The following FYCO1 variants were observed in gnomAD, a reference collection of about 807,000 sequenced individuals.
The protein encoded by FYCO1 is FYVE and coiled-coil domain-containing protein 1.
Under a neutral mutation model 165.1 loss-of-function variants are expected in FYCO1, and 122 were observed. The ratio of observed to expected loss-of-function variants is 0.74; its 90% CI spans 0.64 to 0.86. The LOEUF is 0.86. FYCO1 is among the 40% of genes least tolerant of loss of function. FYCO1 has a pLI of 0.00. For missense variants in FYCO1, 1,702 were observed against 1,810.3 expected (o/e 0.94, Z 1.09); for synonymous variants, 648 against 742.5 (o/e 0.87, Z 2.07).
chr3:45,930,569 A>G (rs1703541184), intron 16 of FYCO1, among the ~76,000 whole-genome samples: 1 of 152,174 alleles, frequency 6.6e-6, no homozygotes, highest in South Asian at 2.1e-4. Flanking sequence ...CCATGCCTAG[A>G]ATGTCTTAGG....
intron 14 of FYCO1, among the ~76,000 whole-genome samples, chr3:45,950,988 T>G (rs2125828902): frequency 6.6e-6 from 1 of 152,330 alleles, no homozygotes. Flanking sequence ...CTAAACACTC[T>G]GACCATGAAG....
intron 14 of FYCO1, chr3:45,947,219 C>T: frequency 6.2e-7 from 1 of 1,614,188 alleles, no homozygotes; most frequent in Non-Finnish European, 8.5e-7. Context: ...CCCAGATGCC[C>T]TTCAACCTCA....
At position 45,967,793 on chromosome 3, in the gene FYCO1, T is replaced by C; in HGVS notation, c.1541A>G (p.Gln514Arg). Residue 514 changes from glutamine to arginine, a missense_variant, in exon 8 of 18, where the codon CAG becomes CGG. Physicochemically the swap from Gln to Arg is conservative, Grantham distance 43. Transcript: ENST00000296137. ...LEQEVRSLTR[Q>R]LQFLETQLAQ... ...CAGCTGGGTCTCCAGGAACTGCAGC[T>C]GCCGGGTCAGAGACCTGACCTCCTG... The C allele has an allele frequency of 6.2e-7, 1 of 1,613,994 alleles. No homozygotes were observed.
chr3:45,986,823 G>A (rs1707340238), intron 1 of FYCO1, among the ~76,000 whole-genome samples: 1 of 152,202 alleles, frequency 6.6e-6, no homozygotes, highest in African/African-American at 2.4e-5. Context: ...GGGCCCTAGA[G>A]AGAGCCAGAG....
At chr3:45,922,097 C>T (rs1703115984) in intron 17 of FYCO1, among the ~76,000 whole-genome samples, 1 of 152,228 alleles carries the variant, frequency 6.6e-6, no homozygotes. Context: ...AATATCACCT[C>T]CCTCACCTGG....
chr3:45,979,832 T>C lies in FYCO1; in HGVS notation c.163-2A>G, dbSNP rs1423665444. On this transcript the variant is annotated splice_acceptor_variant, in intron 3 of 17. Transcript: ENST00000296137. LOFTEE classifies it high-confidence loss of function. ...GGTGGCCTTCTCTTTCTGATCAAAC[T>C]GGGTAGGGAAAGGGAAAGGGAGAGG... is the stretch of plus-strand genomic sequence containing the variant. The C allele has an allele frequency of 6.2e-7, 1 of 1,613,612 alleles. No individual in the cohort carries two copies. The highest frequency in any genetic ancestry group is 1.3e-5 in the African/African-American group (1 of 74,858).
chr3:45,964,320 G>C lies in FYCO1; in HGVS notation c.3269+16C>G, dbSNP rs367876364. On this transcript the variant is annotated intron_variant, in intron 10 of 17. Transcript: ENST00000296137. This position sits in a 1 kb window ranked among gnomAD's most constrained non-coding sequence, Gnocchi z 4.1. ...CTGAAGACTACCGACAGCTACGTAG[G>C]TGGACTGTGACTAACCTTTCTAGGT... 1 of 1,580,846 alleles carries C rather than the reference G, an allele frequency of 6.3e-7. No homozygotes were observed. The highest frequency in any genetic ancestry group is 1.7e-5 in the Admixed American group (1 of 59,978).
Position 45,962,179 on chromosome 3 carries a change from C to G in FYCO1, c.3437+46G>C, listed in dbSNP as rs767804004. ...CAGCTGCATTTCTTTAGAGAAAAACCCCAGTGTGGGGAAAACCCCAGCTGC... is the reference window on the plus strand; with the variant it reads ...CAGCTGCATTTCTTTAGAGAAAAACGCCAGTGTGGGGAAAACCCCAGCTGC... On this transcript the variant is annotated intron_variant, in intron 11 of 17. Transcript: ENST00000296137. This position sits in a 1 kb window ranked among gnomAD's most constrained non-coding sequence, Gnocchi z 4.4. 6.2e-7 allele frequency: 1 copy of G among 1,602,480 alleles called. No individual in the cohort carries two copies. Among genetic ancestry groups the G allele is most frequent in the Admixed American group, 1.7e-5 (1 of 59,992 alleles).
intron 11 of FYCO1, among the ~76,000 whole-genome samples, chr3:45,959,806 A>C (rs980926590): frequency 6.6e-6 from 1 of 152,202 alleles, no homozygotes; most frequent in Non-Finnish European, 1.5e-5. Context: ...AGCTGCCAGC[A>C]CCAAAGAGAG....
chr3:45,983,711 T>C (rs1400627281), intron 2 of FYCO1, among the ~76,000 whole-genome samples: 2 of 152,208 alleles, frequency 1.3e-5, no homozygotes, highest in East Asian at 3.8e-4. Flanking sequence ...GAGACTGGCA[T>C]TTCACTTTCT....
In FYCO1 at chr3:45,994,192, A is replaced by G. The variant is rs370826920; in HGVS notation, c.-113+1530T>C. On this transcript the variant is annotated intron_variant, in intron 1 of 17. Transcript: ENST00000296137. ...AACAGCTAAAGGATCACTGCCTGAGACTGTTACCAATCTCTAAAGTAACTG... is the reference window on the plus strand; with the variant it reads ...AACAGCTAAAGGATCACTGCCTGAGGCTGTTACCAATCTCTAAAGTAACTG... 4.6e-5 allele frequency among the ~76,000 whole-genome samples: 7 copies of G among 151,106 alleles called. No homozygotes were observed. The East Asian group carries it at 9.9e-4, about 21-fold the overall frequency.
At chr3:45,975,930 G>T (rs12629722) in intron 4 of FYCO1, among the ~76,000 whole-genome samples, 2 of 152,228 alleles carry the variant, frequency 1.3e-5, no homozygotes, top group Non-Finnish European at 2.9e-5. Flanking sequence ...GAGTGCGGCC[G>T]TGTAACTGCC....
chr3:45,927,269 T>A (rs1351321273), intron 16 of FYCO1, among the ~76,000 whole-genome samples: 1 of 152,224 alleles, frequency 6.6e-6, no homozygotes, highest in African/African-American at 2.4e-5. Flanking sequence ...GACACCCTTG[T>A]TCTAGGCCAT....
rs1283043435 is a variant in FYCO1, at chr3:45,966,711, C to T, written c.2623G>A (p.Glu875Lys). Residue 875 changes from glutamate (E) to lysine (K), a missense_variant, in exon 8 of 18, where the codon GAG becomes AAG. Coordinates refer to ENST00000296137, the MANE Select transcript of FYCO1 (RefSeq NM_024513.4). ...CTGCATTTGGCCTGGGACAGCTCCT[C>T]CTGCAGGGCCCGCAGCTCCTCCTCC... is the stretch of plus-strand genomic sequence containing the variant. Reference protein sequence around the residue: ...QREEELRALQEELSQAKCSSE... With the variant: ...QREEELRALQKELSQAKCSSE... 2 of 1,612,976 alleles carry T rather than the reference C, an allele frequency of 1.2e-6. No individual in the cohort carries two copies. The highest frequency in any genetic ancestry group is 1.1e-5 in the South Asian group (1 of 91,068).
At chr3:45,931,959 A>G (rs1433621966) in intron 15 of FYCO1, among the ~76,000 whole-genome samples, 1 of 152,222 alleles carries the variant, frequency 6.6e-6, no homozygotes, top group Non-Finnish European at 1.5e-5. Flanking sequence ...AGGTTCATTG[A>G]CAGTGAGTTC....
At position 45,928,029 on chromosome 3, in the gene FYCO1, A is replaced by G. The variant is rs1703404328; in HGVS notation, c.4251+3042T>C. Reference sequence around the variant, plus strand: ...ATTCCAGCTGTTTTTCATTCATTCCATTCACATGAAACATCTAGAATCAGC... The same window carrying G: ...ATTCCAGCTGTTTTTCATTCATTCCGTTCACATGAAACATCTAGAATCAGC... On this transcript the variant is annotated intron_variant, in intron 16 of 17. Transcript: ENST00000296137. Among the ~76,000 whole-genome samples, 4 of 152,284 alleles carry G rather than the reference A, an allele frequency of 2.6e-5. No individual in the cohort carries two copies. The South Asian group carries it at 8.3e-4, about 32-fold the overall frequency.
chr3:45,946,696 A>C, intron 14 of FYCO1: 1 of 1,614,118 alleles, frequency 6.2e-7, no homozygotes, highest in Admixed American at 1.7e-5. Context: ...TTCCTGGTGA[A>C]CCTACCCCTG....
At chr3:45,924,608 ATTT>A (rs1245623186) in intron 16 of FYCO1, among the ~76,000 whole-genome samples, 1 of 150,274 alleles carries the variant, frequency 6.7e-6, no homozygotes, top group African/African-American at 2.5e-5. Flanking sequence ...GCCAGTCAAC[ATTT>A]TTTTTTCCTT....
At chr3:45,937,456 C>T (rs1703962369) in intron 14 of FYCO1, among the ~76,000 whole-genome samples, 1 of 152,244 alleles carries the variant, frequency 6.6e-6, no homozygotes, top group Admixed American at 6.5e-5. Flanking sequence ...ATTGTGGTTC[C>T]AGCTTCAGCA....
Sources: gnomAD v4.1 joint callset for allele counts (sites outside exome capture counted in the v4.1 genomes callset) on GRCh38, gnomAD v4.1.1 for gene constraint, Gnocchi (gnomAD v3.1) non-coding constraint, MANE v1.5 for transcripts, NCBI Gene and HGNC (gene_info 2026-07-23, HGNC 2026-07-21) for gene names.